The following PSTPIP1 variants were observed in gnomAD, a reference collection of about 807,000 sequenced individuals.
The protein encoded by PSTPIP1 is proline-serine-threonine phosphatase interacting protein 1.
PSTPIP1 carries 66 observed loss-of-function variants against 69.6 expected under a neutral mutation model. The ratio of observed to expected loss-of-function variants is 0.95; its 90% CI spans 0.78 to 1.16. The LOEUF (loss-of-function observed/expected upper bound fraction) is 1.16, where lower values mean the gene tolerates loss of function less well. PSTPIP1 is among the 50% of genes most tolerant of loss of function. PSTPIP1 has a pLI of 0.00. For synonymous variants in PSTPIP1, 266 were observed against 222.7 expected (o/e 1.19, Z -1.73); for missense variants, 603 against 557.4 (o/e 1.08, Z -0.82).
intron 12 of PSTPIP1, among the ~76,000 whole-genome samples, chr15:77,034,471 G>T (rs1173434357): frequency 2.0e-5 from 3 of 151,862 alleles, no homozygotes; most frequent in Non-Finnish European, 4.4e-5. Context: ...ACCTTGAATT[G>T]CAGGGCTGCC....
intron 1 of PSTPIP1, among the ~76,000 whole-genome samples, chr15:76,998,523 G>C (rs924922180): frequency 2.0e-5 from 3 of 152,166 alleles, no homozygotes; most frequent in Non-Finnish European, 4.4e-5. Flanking sequence ...TAATGAGCTT[G>C]GTCATGGGGT....
upstream of PSTPIP1, chr15:76,995,052 G>A (rs1268288342): frequency 2.5e-6 from 3 of 1,192,708 alleles, no homozygotes; most frequent in African/African-American, 1.6e-5. Flanking sequence ...TGGCAGGCGG[G>A]GCTGCACAGG....
chr15:77,035,591 AAC>A (rs2076541995), intron 13 of PSTPIP1, 28 bp downstream of exon 13: 2 of 1,559,528 alleles, frequency 1.3e-6, no homozygotes, highest in Non-Finnish European at 1.7e-6. Context: ...GGGACCCCCA[AAC>A]ACACTGATCC....
At position 77,025,712 on chromosome 15, in the gene PSTPIP1, G is replaced by T. The variant is rs754956530; in HGVS notation, c.354+108G>T. On this transcript the variant is annotated intron_variant, in intron 5 of 14. Coordinates refer to ENST00000558012, the MANE Select transcript of PSTPIP1 (RefSeq NM_003978.5). ...TGGTAGAGCCAGTGGAGGGCGGCAGGGGTGGTGGTGGGACAGCACTCCAGG... is the reference window on the plus strand; with the variant it reads ...TGGTAGAGCCAGTGGAGGGCGGCAGTGGTGGTGGTGGGACAGCACTCCAGG... 1.3e-4 allele frequency: 104 copies of T among 807,010 alleles called. 4 individuals carry two copies. Among genetic ancestry groups the T allele is most frequent in the Non-Finnish European group, 1.7e-4 (90 of 524,510 alleles). 50.0% of individuals were successfully genotyped at this position (807,010 alleles called of 1,614,324 possible). A position where few individuals can be genotyped will look rare whatever the true frequency, so the allele number is the denominator to read the frequency against.
chr15:77,018,540 TC>T lies in PSTPIP1; in HGVS notation c.212+12del. 1 of 1,551,274 alleles carries T rather than the reference TC, an allele frequency of 6.4e-7. No individual in the cohort carries two copies. On this transcript the variant is annotated intron_variant, in intron 3 of 14. Coordinates refer to ENST00000558012, the MANE Select transcript of PSTPIP1 (RefSeq NM_003978.5). ...GGCCAGACGGAGATCAAGTAAGATC[TC>T]CCGGGCCCTGGGGCTCACTCCTCTC...
In PSTPIP1 at chr15:77,008,067, C is replaced by T. The variant is rs1020233393; in HGVS notation, c.37-10081C>T. The T allele has an allele frequency of 8.8e-6, 4 of 456,442 alleles. No homozygotes were observed. Among genetic ancestry groups the T allele is most frequent in the Non-Finnish European group, 1.8e-5 (4 of 226,942 alleles). 28.3% of individuals were successfully genotyped at this position (456,442 alleles called of 1,614,324 possible). A position where few individuals can be genotyped will look rare whatever the true frequency, so the allele number is the denominator to read the frequency against. On this transcript the variant is annotated intron_variant, in intron 1 of 14. Transcript: ENST00000558012. ...CCAGAACAGCTGAGGATGGTTCAGG[C>T]AAGCAGAGCTGGGGGTGGAGGGCGG... is the stretch of plus-strand genomic sequence containing the variant.
intron 3 of PSTPIP1, chr15:77,023,647 T>A (rs2076210485): frequency 6.6e-6 from 1 of 152,464 alleles, no homozygotes; most frequent in Non-Finnish European, 1.5e-5. Context: ...TGAGTCCGGT[T>A]TTGGACACGC....
At chr15:77,013,340 A>C (rs1451284061) in intron 1 of PSTPIP1, among the ~76,000 whole-genome samples, 1 of 152,186 alleles carries the variant, frequency 6.6e-6, no homozygotes, top group Non-Finnish European at 1.5e-5. Context: ...AAAAGAGAAC[A>C]GGGTCAGTTT....
chr15:77,031,466 G>A, intron 10 of PSTPIP1, 188 bp downstream of exon 10: 1 of 524,444 alleles, frequency 1.9e-6, no homozygotes, highest in South Asian at 2.2e-5. Flanking sequence ...GTACCACACA[G>A]GGCCATGGCT....
At position 77,008,916 on chromosome 15, in the gene PSTPIP1, C is replaced by T. The variant is rs142999123; in HGVS notation, c.37-9232C>T. ...GGGCAGAGCAGGGCGATTTCCCAGA[C>T]TCCAACATAGAAGCCTTTACTTGGC... On this transcript the variant is annotated intron_variant, in intron 1 of 14. Coordinates refer to ENST00000558012, the MANE Select transcript of PSTPIP1 (RefSeq NM_003978.5). Among the ~76,000 whole-genome samples the T allele has an allele frequency of 2.4e-3, 363 of 152,304 alleles. 1 individual carries two copies. Among genetic ancestry groups the T allele is most frequent in the Non-Finnish European group, 3.7e-3 (254 of 68,030 alleles).
At chr15:77,005,735 G>A (rs1419433026) in intron 1 of PSTPIP1, among the ~76,000 whole-genome samples, 1 of 152,224 alleles carries the variant, frequency 6.6e-6, no homozygotes, top group Non-Finnish European at 1.5e-5. Context: ...AGTAGAATCA[G>A]ATAATATTTG....
intron 1 of PSTPIP1, among the ~76,000 whole-genome samples, chr15:77,016,294 G>A (rs754924944): frequency 5.3e-5 from 8 of 152,110 alleles, no homozygotes; most frequent in South Asian, 4.1e-4. Context: ...GTGTCCCTCC[G>A]GGCAGGTGCA....
rs1344126841 is a variant in PSTPIP1, at chr15:77,028,698, A to C, written c.516+46A>C. ...GTGTGGGTCGCCCAGGGCTGGGGGCAGTGGGGGAGGCAAGGAAGGGGTGCC... is the reference window on the plus strand; with the variant it reads ...GTGTGGGTCGCCCAGGGCTGGGGGCCGTGGGGGAGGCAAGGAAGGGGTGCC... On this transcript the variant is annotated intron_variant, in intron 7 of 14. Transcript: ENST00000558012. The C allele has an allele frequency of 4.2e-6, 6 of 1,443,278 alleles. No homozygotes were observed. The East Asian group carries it at 1.6e-4, about 39-fold the overall frequency. 89.4% of individuals were successfully genotyped at this position (1,443,278 alleles called of 1,614,324 possible).
intron 1 of PSTPIP1, among the ~76,000 whole-genome samples, chr15:77,010,520 G>A (rs959893845): frequency 2.6e-5 from 4 of 152,184 alleles, no homozygotes; most frequent in African/African-American, 7.2e-5. Context: ...CTGCTGCCTT[G>A]AAGCAGGTTG....
chr15:77,032,331 T>C lies in PSTPIP1; in HGVS notation c.775T>C (p.Cys259Arg). The change falls in exon 11 of 15, where the codon TGC becomes CGC. Residue 259 changes from cysteine to arginine, a missense_variant. Coordinates refer to ENST00000558012, the MANE Select transcript of PSTPIP1 (RefSeq NM_003978.5). ...YEEVRLTLEGCSIDADIDSFI... is the reference protein window; with the variant it reads ...YEEVRLTLEGRSIDADIDSFI... The stretch of plus-strand genomic sequence containing the variant: ...GGAAGTGCGGCTGACGCTGGAAGGC[T>C]GCAGCATAGACGCCGACATCGACAG... 6.2e-7 allele frequency: 1 copy of C among 1,612,602 alleles called. No individual in the cohort carries two copies. Among genetic ancestry groups the C allele is most frequent in the Non-Finnish European group, 8.5e-7 (1 of 1,179,752 alleles).
intron 1 of PSTPIP1, among the ~76,000 whole-genome samples, chr15:77,005,999 C>A (rs896089605): frequency 2.0e-5 from 3 of 152,160 alleles, no homozygotes; most frequent in Non-Finnish European, 4.4e-5. Context: ...TAGATTATAC[C>A]TAGGAGTGGA....
At chr15:77,022,738 G>A (rs1027655234) in intron 3 of PSTPIP1, among the ~76,000 whole-genome samples, 5 of 152,224 alleles carry the variant, frequency 3.3e-5, no homozygotes, top group African/African-American at 1.2e-4. Context: ...AGGGAGGAGT[G>A]TTCTGGGCCT....
At chr15:76,998,331 G>A (rs553114549) in intron 1 of PSTPIP1, among the ~76,000 whole-genome samples, 2 of 152,194 alleles carry the variant, frequency 1.3e-5, no homozygotes, top group Non-Finnish European at 2.9e-5. Flanking sequence ...CGGGGCGGAG[G>A]AGGGGAGCCA....
At position 77,029,557 on chromosome 15, in the gene PSTPIP1, A is replaced by T; in HGVS notation, c.545A>T (p.Asp182Val). 6.3e-7 allele frequency: 1 copy of T among 1,583,316 alleles called. No individual in the cohort carries two copies. Among genetic ancestry groups the T allele is most frequent in the Non-Finnish European group, 8.6e-7 (1 of 1,165,848 alleles). ...CAGAACAAAGCCAGGCAGTGCAAGG[A>T]CTCGGCCACCGAGGCAGGTATGTGG... The part of the protein sequence containing the change: ...KSQNKARQCK[D>V]SATEAERVYR... Residue 182 changes from aspartate to valine, a missense_variant, in exon 8 of 15, where the codon GAC becomes GTC. By Grantham distance (152) the Asp-to-Val change is radical. Coordinates refer to ENST00000558012, the MANE Select transcript of PSTPIP1 (RefSeq NM_003978.5).
Sources: allele counts gnomAD v4.1 joint callset (sites outside exome capture counted in the v4.1 genomes callset), GRCh38; gene constraint gnomAD v4.1.1; transcripts MANE v1.5; gene names NCBI Gene and HGNC (gene_info 2026-07-23, HGNC 2026-07-21).